Variants in TSHR observed in about 807,000 individuals in gnomAD.
The protein encoded by TSHR is thyrotropin receptor.
Under a neutral mutation model 64.1 loss-of-function variants are expected in TSHR, and 51 were observed. That is an observed-to-expected ratio of 0.80 (90% CI 0.64 to 1.01). TSHR has a LOEUF of 1.01. Among genes scored for constraint, TSHR ranks in the 50% least tolerant of loss-of-function variants. TSHR has a pLI of 0.00. For missense variants in TSHR, 877 were observed against 942.8 expected (o/e 0.93, Z 0.91); for synonymous variants, 361 against 361.9 (o/e 1.00, Z 0.03).
chr14:81,052,018 T>A (rs1885462403), intron 1 of TSHR: 1 of 152,200 alleles, frequency 6.6e-6, no homozygotes, highest in Non-Finnish European at 1.5e-5. Flanking sequence ...TGTTGATGGC[T>A]TCCTTTGCCA....
chr14:81,102,883 TA>T, intron 7 of TSHR: 1 of 985,342 alleles, frequency 1.0e-6, no homozygotes, highest in Non-Finnish European at 1.2e-6. Context: ...TGGATTAAAA[TA>T]TTTGGCGTTA....
intron 8 of TSHR, among the ~76,000 whole-genome samples, chr14:81,114,107 G>T (rs1890356323): frequency 6.7e-6 from 1 of 149,644 alleles, no homozygotes; most frequent in African/African-American, 2.5e-5. Flanking sequence ...AGAGTACTGA[G>T]GAAGCTGACA....
chr14:80,974,819 A>G (rs1197559871), intron 1 of TSHR, among the ~76,000 whole-genome samples: 2 of 152,226 alleles, frequency 1.3e-5, no homozygotes, highest in Non-Finnish European at 2.9e-5. Flanking sequence ...CAGCAAAATA[A>G]AGAGGAAAAA....
intron 3 of TSHR, among the ~76,000 whole-genome samples, chr14:81,082,548 C>T (rs570670370): frequency 9.2e-5 from 14 of 152,270 alleles, no homozygotes; most frequent in African/African-American, 2.4e-4. Context: ...ATAAAGATAT[C>T]GTCCTGTATA....
intron 1 of TSHR, among the ~76,000 whole-genome samples, chr14:80,989,974 G>A (rs959974438): frequency 5.3e-5 from 8 of 151,980 alleles, no homozygotes; most frequent in South Asian, 2.1e-4. Context: ...CTTCTCTTCC[G>A]GACCATTAGT....
At chr14:81,076,340 G>A (rs1007602923) in intron 3 of TSHR, among the ~76,000 whole-genome samples, 1 of 152,010 alleles carries the variant, frequency 6.6e-6, no homozygotes, top group Non-Finnish European at 1.5e-5. Context: ...CCAATCCTGT[G>A]TAGTCTTCTC....
chr14:81,011,595 T>C (rs1172477753), intron 1 of TSHR, among the ~76,000 whole-genome samples: 1 of 152,110 alleles, frequency 6.6e-6, no homozygotes, highest in Non-Finnish European at 1.5e-5. Context: ...TGTTTATCTA[T>C]TTTATTAGTT....
rs139221416 is a variant in TSHR at position 80,995,738 on chromosome 14, T to C, written c.170+39888T>C. 2.0e-5 allele frequency: 3 copies of C among 151,770 alleles called. No homozygotes were observed. The East Asian group carries it at 5.8e-4, about 30-fold the overall frequency. 9.4% of individuals were successfully genotyped at this position (151,770 alleles called of 1,614,324 possible). ...AACGACTAATGGGTACTAGGCTTCATACCTGGGTGATGAAATAATCTGTAC... is the reference window on the plus strand; with the variant it reads ...AACGACTAATGGGTACTAGGCTTCACACCTGGGTGATGAAATAATCTGTAC... On this transcript the variant is annotated intron_variant, in intron 1 of 9. Transcript: ENST00000298171.
intron 8 of TSHR, among the ~76,000 whole-genome samples, chr14:81,129,530 C>A (rs1891152000): frequency 6.6e-6 from 1 of 152,200 alleles, no homozygotes; most frequent in African/African-American, 2.4e-5. Flanking sequence ...TCACCCCAAG[C>A]AGGCTCTACC....
chr14:81,002,699 A>T lies in TSHR; in HGVS notation c.170+46849A>T, dbSNP rs543697012. Reference sequence around the variant, plus strand: ...CATTTGTCATTAGTTACCATTGACTACTCTTCAACTGGCTGAAATCTGGTT... The same window carrying T: ...CATTTGTCATTAGTTACCATTGACTTCTCTTCAACTGGCTGAAATCTGGTT... On this transcript the variant is annotated intron_variant, in intron 1 of 9. Transcript: ENST00000298171. Among the ~76,000 whole-genome samples, 96 of 143,180 alleles carry T rather than the reference A, an allele frequency of 6.7e-4. 1 individual carries two copies. The highest frequency in any genetic ancestry group is 3.9e-3 in the Middle Eastern group (1 of 256). 93.9% of individuals were successfully genotyped at this position (143,180 alleles called of 152,430 possible).
chr14:81,123,963 G>C (rs1890911936), intron 8 of TSHR, among the ~76,000 whole-genome samples: 1 of 152,104 alleles, frequency 6.6e-6, no homozygotes, highest in Admixed American at 6.5e-5. Flanking sequence ...TCAGAGGAAA[G>C]AACACACTGA....
chr14:80,963,269 T>A (rs1404573948), intron 1 of TSHR, among the ~76,000 whole-genome samples: 1 of 152,206 alleles, frequency 6.6e-6, no homozygotes, highest in Non-Finnish European at 1.5e-5. Flanking sequence ...CTAAAAAATG[T>A]TTATTAATTT....
At chr14:81,138,946 A>C (rs117222333) in intron 8 of TSHR, among the ~76,000 whole-genome samples, 2 of 152,322 alleles carry the variant, frequency 1.3e-5, no homozygotes, top group Non-Finnish European at 2.9e-5. Context: ...AGAATGCCAC[A>C]CTAATGCCAC....
chr14:81,025,673 G>C (rs1884013927), intron 1 of TSHR, among the ~76,000 whole-genome samples: 1 of 152,112 alleles, frequency 6.6e-6, no homozygotes, highest in Non-Finnish European at 1.5e-5. Context: ...AACCTTCTAG[G>C]CTTGAGTTCC....
chr14:80,991,217 C>T (rs1053973395), intron 1 of TSHR, among the ~76,000 whole-genome samples: 4 of 152,140 alleles, frequency 2.6e-5, no homozygotes, highest in Admixed American at 6.5e-5. Context: ...AGATATAACT[C>T]GTACCCTAAA....
At chr14:81,132,412 G>A (rs1306231268) in intron 8 of TSHR, among the ~76,000 whole-genome samples, 2 of 152,186 alleles carry the variant, frequency 1.3e-5, no homozygotes, top group African/African-American at 4.8e-5. Context: ...GGATACTAGA[G>A]GGCATAATTG....
intron 3 of TSHR, among the ~76,000 whole-genome samples, chr14:81,081,224 C>T (rs1032629389): frequency 2.0e-5 from 3 of 151,990 alleles, no homozygotes; most frequent in Non-Finnish European, 4.4e-5. Context: ...AATTTAATCA[C>T]ATAAGAAAAG....
In TSHR at chr14:80,982,103, T is replaced by A. The variant is rs561884795; in HGVS notation, c.170+26253T>A. The A allele has an allele frequency of 1.1e-5, 6 of 551,020 alleles. No individual in the cohort carries two copies. In the African/African-American group the frequency reaches 1.1e-4, roughly 10 times the overall value. The allele number at this position is 551,020 out of a possible 1,614,324, so 34.1% of individuals were successfully genotyped here. ...CGGGTGTGGTTAGGCCTGTAGCCAA[T>A]ACCTGGGCCAAAGCAAAAGACAAGC... On this transcript the variant is annotated intron_variant, in intron 1 of 9. Transcript: ENST00000298171.
chr14:81,037,943 A>AAAAAAAC (rs1391567986), intron 1 of TSHR, among the ~76,000 whole-genome samples: 1 of 151,938 alleles, frequency 6.6e-6, no homozygotes, highest in Non-Finnish European at 1.5e-5. Context: ...GCAAAAAAAA[A>AAAAAAAC]AACACTGGAT....
Sources: gnomAD v4.1 joint callset for allele counts (sites outside exome capture counted in the v4.1 genomes callset) on GRCh38, gnomAD v4.1.1 for gene constraint, MANE v1.5 for transcripts, NCBI Gene and HGNC (gene_info 2026-07-23, HGNC 2026-07-21) for gene names.